The following EXOC6B variants were observed in gnomAD, a reference collection of about 807,000 sequenced individuals.
EXOC6B encodes exocyst complex component 6B, also known as SEC15 homolog B.
Under a neutral mutation model 113.5 loss-of-function variants are expected in EXOC6B, and 54 were observed. The ratio of observed to expected loss-of-function variants is 0.48; its 90% CI spans 0.38 to 0.60. The LOEUF (loss-of-function observed/expected upper bound fraction) is 0.60. Among genes scored for constraint, EXOC6B ranks in the 20% least tolerant of loss-of-function variants. EXOC6B has a pLI of 0.00. For synonymous variants in EXOC6B, 357 were observed against 339.0 expected, an observed-to-expected ratio of 1.05 and a Z score of -0.58; for missense variants, 797 against 977.5, an observed-to-expected ratio of 0.82 and a Z score of 2.46.
intron 2 of EXOC6B, among the ~76,000 whole-genome samples, chr2:72,740,879 G>A (rs985340388): frequency 1.3e-5 from 2 of 152,124 alleles, no homozygotes; most frequent in Admixed American, 6.5e-5. Flanking sequence ...GAGGCGGGCA[G>A]ATCACGAGGT....
chr2:72,290,859 TA>T (rs1285156211), intron 20 of EXOC6B, among the ~76,000 whole-genome samples: 2 of 152,104 alleles, frequency 1.3e-5, no homozygotes, highest in Non-Finnish European at 2.9e-5. Context: ...ATAATTAGCT[TA>T]AAAATCTATT....
intron 18 of EXOC6B, 122 bp downstream of exon 18, chr2:72,465,038 T>A: frequency 1.3e-6 from 1 of 745,706 alleles, no homozygotes; most frequent in Non-Finnish European, 2.3e-6. Flanking sequence ...AAATATAGCA[T>A]GCGCCTTTAT....
intron 8 of EXOC6B, among the ~76,000 whole-genome samples, chr2:72,554,590 A>G (rs1424423943): frequency 1.3e-5 from 2 of 152,132 alleles, no homozygotes; most frequent in African/African-American, 4.8e-5. Context: ...TTTCACCACA[A>G]TTATAAGTTT....
chr2:72,232,839 A>AG (rs1414410731), intron 20 of EXOC6B, among the ~76,000 whole-genome samples: 1 of 152,158 alleles, frequency 6.6e-6, no homozygotes, highest in East Asian at 1.9e-4. Context: ...TGGCAGGCTG[A>AG]GGCGGGTGGA....
At chr2:72,800,962 T>C (rs1280448192) in intron 1 of EXOC6B, among the ~76,000 whole-genome samples, 2 of 152,158 alleles carry the variant, frequency 1.3e-5, no homozygotes, top group South Asian at 4.1e-4. Context: ...CTGTGGTGAT[T>C]ACAAATAACC....
chr2:72,754,877 C>T (rs113318781), intron 1 of EXOC6B, among the ~76,000 whole-genome samples: 5,713 of 152,128 alleles, frequency 0.038, 338 homozygotes, highest in African/African-American at 0.13. Flanking sequence ...CCTTGGCCCC[C>T]CAAACTGGTG....
intron 16 of EXOC6B, among the ~76,000 whole-genome samples, chr2:72,480,990 T>C (rs1377978494): frequency 1.3e-5 from 2 of 152,176 alleles, no homozygotes; most frequent in East Asian, 1.9e-4. Flanking sequence ...CATAATCCCA[T>C]GTATCAAGGG....
chr2:72,819,314 T>G (rs1218744145), intron 1 of EXOC6B, among the ~76,000 whole-genome samples: 2 of 152,206 alleles, frequency 1.3e-5, no homozygotes, highest in African/African-American at 4.8e-5. Context: ...AGTTATTTGT[T>G]GTTGTTTCTT....
intron 19 of EXOC6B, among the ~76,000 whole-genome samples, chr2:72,340,867 G>C (rs1335948966): frequency 1.3e-5 from 2 of 152,160 alleles, no homozygotes; most frequent in East Asian, 1.9e-4. Flanking sequence ...TCACATCACA[G>C]TGGTTCCACT....
chr2:72,246,201 T>C (rs1489701014), intron 20 of EXOC6B, among the ~76,000 whole-genome samples: 2 of 152,124 alleles, frequency 1.3e-5, no homozygotes, highest in African/African-American at 4.8e-5. Context: ...GTGTCACTCA[T>C]CTTCAAATTT....
At position 72,480,602 on chromosome 2, in the gene EXOC6B, T is replaced by C. The variant is rs1455464562; in HGVS notation, c.1800+14A>G. On this transcript the variant is annotated intron_variant, in intron 17 of 21. Transcript: ENST00000272427. ...CACCAGAAGCAGTTCCACAGTACTG[T>C]AGGGCCCTCTCACCTTAAAAGTTGT... 5 of 1,571,800 alleles carry C rather than the reference T, an allele frequency of 3.2e-6. No individual in the cohort carries two copies. The highest frequency in any genetic ancestry group is 3.5e-6 in the Non-Finnish European group (4 of 1,156,756).
At chr2:72,492,968 A>G (rs1425960914) in intron 15 of EXOC6B, among the ~76,000 whole-genome samples, 1 of 152,082 alleles carries the variant, frequency 6.6e-6, no homozygotes, top group Non-Finnish European at 1.5e-5. Flanking sequence ...AGCCACTTTA[A>G]TTTAAAGTAT....
At chr2:72,584,997 T>A (rs894850580) in intron 6 of EXOC6B, among the ~76,000 whole-genome samples, 2 of 152,136 alleles carry the variant, frequency 1.3e-5, no homozygotes, top group African/African-American at 4.8e-5. Flanking sequence ...ATATCTGGGA[T>A]GCAACAAAAG....
chr2:72,606,799 C>T (rs754866064), intron 6 of EXOC6B, among the ~76,000 whole-genome samples: 16 of 151,858 alleles, frequency 1.1e-4, no homozygotes, highest in Non-Finnish European at 1.5e-4. Context: ...TTAGTAGGGA[C>T]AGGGTTTCAC....
At chr2:72,704,655 G>A (rs1406898438) in intron 6 of EXOC6B, among the ~76,000 whole-genome samples, 1 of 152,080 alleles carries the variant, frequency 6.6e-6, no homozygotes, top group Admixed American at 6.6e-5. Context: ...TATCACCAAC[G>A]ATCCCACAGA....
chr2:72,532,576 G>A (rs769977491), intron 8 of EXOC6B, among the ~76,000 whole-genome samples: 14 of 152,096 alleles, frequency 9.2e-5, no homozygotes, highest in Non-Finnish European at 1.3e-4. Flanking sequence ...TTGGGAGGCC[G>A]AGGCGGGCGG....
At chr2:72,673,572 T>G (rs867184946) in intron 6 of EXOC6B, among the ~76,000 whole-genome samples, 2 of 152,024 alleles carry the variant, frequency 1.3e-5, no homozygotes, top group Non-Finnish European at 2.9e-5. Context: ...ATTGTTAAAG[T>G]CTCCTTAACA....
chr2:72,397,705 T>C (rs1350864966), intron 18 of EXOC6B, among the ~76,000 whole-genome samples: 1 of 150,604 alleles, frequency 6.6e-6, no homozygotes, highest in East Asian at 1.9e-4. Context: ...AACTTGGTTA[T>C]CTGATACTAC....
At chr2:72,687,792 C>T (rs1283595349) in intron 6 of EXOC6B, among the ~76,000 whole-genome samples, 1 of 152,118 alleles carries the variant, frequency 6.6e-6, no homozygotes, top group Non-Finnish European at 1.5e-5. Flanking sequence ...TCTTTATATA[C>T]TATGTACAGT....
Sources: gnomAD v4.1 joint callset for allele counts (sites outside exome capture counted in the v4.1 genomes callset) on GRCh38, gnomAD v4.1.1 for gene constraint, MANE v1.5 for transcripts, NCBI Gene and HGNC (gene_info 2026-07-23, HGNC 2026-07-21) for gene names.